ELOVL7: variants seen among roughly 807,000 people sequenced by gnomAD.
ELOVL7 encodes the protein ELOVL fatty acid elongase 7, also known as very long chain fatty acid elongase 7.
ELOVL7 carries 27 observed loss-of-function variants against 35.7 expected under a neutral mutation model. The ratio of observed to expected loss-of-function variants is 0.76; its 90% CI spans 0.56 to 1.04. The LOEUF is 1.04. Ranked by LOEUF, ELOVL7 falls within the 50% of genes least tolerant of loss-of-function variation. The probability of loss-of-function intolerance (pLI) is 0.00; values close to 1 mark genes in which losing one functional copy is unlikely to be tolerated. For missense variants in ELOVL7, 327 were observed against 340.8 expected (o/e 0.96, Z 0.32); for synonymous variants, 113 against 114.6 (o/e 0.99, Z 0.09).
intron 1 of ELOVL7, among the ~76,000 whole-genome samples, chr5:60,825,270 A>G (rs6889730): frequency 0.85 from 129,162 of 152,140 alleles, 55,330 homozygotes; most frequent in African/African-American, 0.96. Flanking sequence ...CAAGGCATTG[A>G]AAATCACTGT....
At chr5:60,815,230 T>A (rs1203367845) in intron 1 of ELOVL7, among the ~76,000 whole-genome samples, 1 of 152,246 alleles carries the variant, frequency 6.6e-6, no homozygotes, top group Non-Finnish European at 1.5e-5. Flanking sequence ...TGAAAATACT[T>A]ATCATTCTTT....
chr5:60,844,254 G>T lies in ELOVL7; in HGVS notation c.-180C>A, dbSNP rs892170691. On this transcript the variant is annotated 5_prime_UTR_variant, in exon 1 of 9. Transcript: ENST00000508821. ...GGAGCTCCTCACAGCGGCCCCCGCT[G>T]TCCCGGCCGCCGACTGGGTTGGAAA... is the stretch of plus-strand genomic sequence containing the variant. 6.6e-6 allele frequency: 1 copy of T among 152,008 alleles called. No individual in the cohort carries two copies. Among genetic ancestry groups the T allele is most frequent in the African/African-American group, 2.4e-5 (1 of 41,434 alleles). 9.4% of individuals were successfully genotyped at this position (152,008 alleles called of 1,614,324 possible). A position where few individuals can be genotyped will look rare whatever the true frequency, so the allele number is the denominator to read the frequency against.
intron 1 of ELOVL7, among the ~76,000 whole-genome samples, chr5:60,818,705 C>A (rs1174835886): frequency 6.6e-6 from 1 of 151,894 alleles, no homozygotes; most frequent in Non-Finnish European, 1.5e-5. Flanking sequence ...CAGTAGACAG[C>A]ATGGATTTAA....
chr5:60,818,988 G>A (rs953813831), intron 1 of ELOVL7, among the ~76,000 whole-genome samples: 1 of 138,452 alleles, frequency 7.2e-6, no homozygotes, highest in Non-Finnish European at 1.6e-5. Flanking sequence ...TCCAGCCTGG[G>A]CAACAGGGAG....
chr5:60,799,329 T>C (rs1210329082), intron 1 of ELOVL7, 99 bp from the exon 2 acceptor site: 3 of 151,054 alleles, frequency 2.0e-5, no homozygotes, highest in Non-Finnish European at 4.4e-5. Context: ...AAGAAAACAA[T>C]ATAGATTAGA....
chr5:60,766,762 T>G lies in ELOVL7; in HGVS notation c.337-132A>C, dbSNP rs1329865753. The G allele has an allele frequency of 1.2e-5, 8 of 675,566 alleles. No homozygotes were observed. In the African/African-American group the frequency reaches 1.3e-4, roughly 11 times the overall value. 41.8% of individuals were successfully genotyped at this position (675,566 alleles called of 1,614,324 possible). A position where few individuals can be genotyped will look rare whatever the true frequency, so the allele number is the denominator to read the frequency against. ...TTTCTTAGTGCACAGTTAAGTGGCA[T>G]TAAGTACCTTCACACTGTTGTTCAA... On this transcript the variant is annotated intron_variant, in intron 5 of 8. Coordinates refer to ENST00000508821, the MANE Select transcript of ELOVL7 (RefSeq NM_024930.3).
At chr5:60,808,373 A>T (rs1336571865) in intron 1 of ELOVL7, among the ~76,000 whole-genome samples, 1 of 152,244 alleles carries the variant, frequency 6.6e-6, no homozygotes, top group Non-Finnish European at 1.5e-5. Flanking sequence ...TCTGATGCAT[A>T]ACAATCAATA....
chr5:60,755,570 T>C (rs973179080), intron 8 of ELOVL7, among the ~76,000 whole-genome samples: 4 of 152,048 alleles, frequency 2.6e-5, no homozygotes, highest in African/African-American at 9.7e-5. Flanking sequence ...GGCAGGAGAA[T>C]CGCTTGAACC....
At chr5:60,840,493 G>A (rs980267090) in intron 1 of ELOVL7, among the ~76,000 whole-genome samples, 1 of 152,164 alleles carries the variant, frequency 6.6e-6, no homozygotes, top group East Asian at 1.9e-4. Flanking sequence ...GTTCAACACT[G>A]CTGACACCCT....
chr5:60,798,858 C>T (rs1744423115), intron 2 of ELOVL7, among the ~76,000 whole-genome samples: 1 of 152,146 alleles, frequency 6.6e-6, no homozygotes, highest in Admixed American at 6.5e-5. Flanking sequence ...ACTAAATGAA[C>T]TTAACAGACA....
In ELOVL7 at chr5:60,764,327, A is replaced by G; in HGVS notation, c.399T>C (p.Phe133=). ...SKFIELLDTI[F]FVLRKKNSQV... The stretch of plus-strand genomic sequence containing the variant: ...GGCTATTTTTCTTGCGCAGAACAAA[A>G]AAGATCTGAAATAATTTAAAGAATA... The change falls in exon 7 of 9, where the codon TTT becomes TTC. Residue 133 remains phenylalanine, a synonymous_variant. Coordinates refer to ENST00000508821, the MANE Select transcript of ELOVL7 (RefSeq NM_024930.3). 1.2e-6 allele frequency: 2 copies of G among 1,603,032 alleles called. No homozygotes were observed. The highest frequency in any genetic ancestry group is 1.7e-6 in the Non-Finnish European group (2 of 1,170,066).
At chr5:60,786,557 G>C (rs960896245) in intron 3 of ELOVL7, among the ~76,000 whole-genome samples, 1 of 152,118 alleles carries the variant, frequency 6.6e-6, no homozygotes, top group Non-Finnish European at 1.5e-5. Flanking sequence ...AGGCATATCA[G>C]AATCACTCGG....
chr5:60,829,199 G>A (rs113917690), intron 1 of ELOVL7, among the ~76,000 whole-genome samples: 1,992 of 151,932 alleles, frequency 0.013, 21 homozygotes, highest in Non-Finnish European at 0.021. Context: ...GATGGTTCTT[G>A]TTCCTCATCT....
At chr5:60,818,413 C>T (rs1241565799) in intron 1 of ELOVL7, among the ~76,000 whole-genome samples, 1 of 149,238 alleles carries the variant, frequency 6.7e-6, no homozygotes, top group African/African-American at 2.5e-5. Flanking sequence ...AAAAATCACA[C>T]AAGACAAATA....
intron 1 of ELOVL7, among the ~76,000 whole-genome samples, chr5:60,814,997 A>G (rs1464087371): frequency 1.3e-5 from 2 of 152,242 alleles, no homozygotes; most frequent in Non-Finnish European, 1.5e-5. Flanking sequence ...CCAGGAAACT[A>G]TAAGAGGACC....
chr5:60,829,538 A>G (rs1407972873), intron 1 of ELOVL7, among the ~76,000 whole-genome samples: 1 of 152,178 alleles, frequency 6.6e-6, no homozygotes, highest in Non-Finnish European at 1.5e-5. Context: ...ACCATGAAAA[A>G]TATTAATGAA....
intron 4 of ELOVL7, among the ~76,000 whole-genome samples, chr5:60,769,088 T>G (rs1742420596): frequency 1.3e-5 from 2 of 152,106 alleles, no homozygotes; most frequent in African/African-American, 4.8e-5. Flanking sequence ...TTAATCACAC[T>G]GTTAACTTGG....
At chr5:60,823,097 A>C (rs916556976) in intron 1 of ELOVL7, among the ~76,000 whole-genome samples, 6 of 152,096 alleles carry the variant, frequency 3.9e-5, no homozygotes, top group Non-Finnish European at 8.8e-5. Flanking sequence ...ATTAGTCTTA[A>C]GGTGATAACT....
chr5:60,821,314 G>T (rs970180117), intron 1 of ELOVL7, among the ~76,000 whole-genome samples: 1 of 152,114 alleles, frequency 6.6e-6, no homozygotes, highest in South Asian at 2.1e-4. Context: ...CCTAGGCAGG[G>T]TCTGGCACAT....
Sources: allele counts gnomAD v4.1 joint callset (sites outside exome capture counted in the v4.1 genomes callset), GRCh38; gene constraint gnomAD v4.1.1; transcripts MANE v1.5; gene names NCBI Gene and HGNC (gene_info 2026-07-23, HGNC 2026-07-21).